The following B9D1 variants were observed in gnomAD, a reference collection of about 807,000 sequenced individuals.
The protein encoded by B9D1 is B9 domain containing 1.
Under a neutral mutation model 26.1 loss-of-function variants are expected in B9D1, and 20 were observed. That is an observed-to-expected ratio of 0.77 (90% CI 0.54 to 1.12). The LOEUF (loss-of-function observed/expected upper bound fraction) is 1.12. B9D1 is among the 50% of genes most tolerant of loss of function. B9D1 has a pLI of 0.00. For synonymous variants in B9D1, 105 were observed against 103.1 expected (o/e 1.02, Z -0.11); for missense variants, 260 against 273.7 (o/e 0.95, Z 0.35).
chr17:19,366,861 T>G (rs983209204), upstream of B9D1, among the ~76,000 whole-genome samples: 1 of 152,056 alleles, frequency 6.6e-6, no homozygotes, highest in African/African-American at 2.4e-5. Flanking sequence ...CCCTCAGGCT[T>G]GAAGTACTGT....
intron 1 of B9D1, among the ~76,000 whole-genome samples, chr17:19,375,477 G>T (rs747851895): frequency 6.6e-6 from 1 of 151,960 alleles, no homozygotes; most frequent in Non-Finnish European, 1.5e-5. Context: ...TAATAATAAG[G>T]CTGGGTACTG....
Position 19,347,899 on chromosome 17 carries a change from G to A in B9D1, c.245-19C>T. The A allele has an allele frequency of 6.2e-7, 1 of 1,609,796 alleles. No individual in the cohort carries two copies. The highest frequency in any genetic ancestry group is 8.5e-7 in the Non-Finnish European group (1 of 1,176,432). ...TGTGGCCCTTGGGAAGGACAAGGCAGGGGGTGGGCACATGAGGACACACAG... is the reference window on the plus strand; with the variant it reads ...TGTGGCCCTTGGGAAGGACAAGGCAAGGGGTGGGCACATGAGGACACACAG... On this transcript the variant is annotated intron_variant, in intron 3 of 6. Transcript: ENST00000261499. The surrounding 1 kb of genome is among the most constrained non-coding windows in gnomAD (Gnocchi z 4.3).
intron 1 of B9D1, among the ~76,000 whole-genome samples, chr17:19,369,081 G>A (rs1005189572): frequency 1.1e-4 from 16 of 152,088 alleles, no homozygotes; most frequent in Non-Finnish European, 1.5e-5. Flanking sequence ...TTTTGTTCTT[G>A]AGAACTGCTA....
chr17:19,367,036 C>T (rs1420437096), upstream of B9D1, among the ~76,000 whole-genome samples: 4 of 152,156 alleles, frequency 2.6e-5, no homozygotes, highest in East Asian at 7.7e-4. Flanking sequence ...TAGGTCTCTG[C>T]ACTGTTACCT....
chr17:19,356,322 G>C (rs997195481), intron 3 of B9D1, among the ~76,000 whole-genome samples: 11 of 152,156 alleles, frequency 7.2e-5, no homozygotes, highest in Admixed American at 2.0e-4. Context: ...AAACTCCTGA[G>C]CTCAGGCGAT....
upstream of B9D1, chr17:19,362,883 C>T (rs1218945900): frequency 1.2e-5 from 6 of 513,654 alleles, no homozygotes; most frequent in Non-Finnish European, 1.8e-5. Flanking sequence ...CTCAGTTGCA[C>T]GCGCAGGGAG....
In B9D1 at chr17:19,368,367, G is replaced by C. The variant is rs1015612686; in HGVS notation, c.-297-7979C>G. On this transcript the variant is annotated intron_variant, in intron 1 of 5. Transcript: ENST00000477478. The stretch of plus-strand genomic sequence containing the variant: ...ACCCCTGAAGCTCACGGGAGAAAGT[G>C]CTTGGAGTAGCTTCTTCTAGGAGTT... 1.4e-4 allele frequency among the ~76,000 whole-genome samples: 22 copies of C among 152,366 alleles called. No individual in the cohort carries two copies. In the East Asian group the frequency reaches 4.2e-3, roughly 29 times the overall value.
At chr17:19,349,484 G>A (rs1909305963) in intron 3 of B9D1, among the ~76,000 whole-genome samples, 1 of 151,358 alleles carries the variant, frequency 6.6e-6, no homozygotes, top group Non-Finnish European at 1.5e-5. Flanking sequence ...CTCCTGGGCT[G>A]AAGTGATCCT....
chr17:19,371,929 C>T (rs537084997), intron 1 of B9D1, among the ~76,000 whole-genome samples: 54 of 152,270 alleles, frequency 3.5e-4, no homozygotes, highest in Non-Finnish European at 6.3e-4. Context: ...GTGACTGAAC[C>T]GGATTACTTG....
downstream of B9D1, chr17:19,336,509 CCT>C (rs1284054449): frequency 6.6e-6 from 1 of 152,644 alleles, no homozygotes; most frequent in African/African-American, 2.4e-5. Flanking sequence ...AGTGCATGTC[CCT>C]GTTGCCCACT....
At chr17:19,360,963 T>G (rs1404180860) in intron 1 of B9D1, among the ~76,000 whole-genome samples, 1 of 152,182 alleles carries the variant, frequency 6.6e-6, no homozygotes, top group Non-Finnish European at 1.5e-5. Flanking sequence ...CAACTGTATT[T>G]ACAGCTGCTC....
intron 3 of B9D1, among the ~76,000 whole-genome samples, chr17:19,355,625 C>A (rs951753687): frequency 2.0e-5 from 3 of 150,860 alleles, no homozygotes. Flanking sequence ...GTCAGGAGAT[C>A]GAGACCATCC....
chr17:19,349,120 G>A (rs1909253573), intron 3 of B9D1, among the ~76,000 whole-genome samples: 2 of 152,172 alleles, frequency 1.3e-5, no homozygotes, highest in South Asian at 4.1e-4. Context: ...CACTCCCCCA[G>A]CAGTGGTATC....
chr17:19,335,350 A>C, downstream of B9D1: 1 of 1,513,882 alleles, frequency 6.6e-7, no homozygotes, highest in Middle Eastern at 1.7e-4. Context: ...AAAAAATCTA[A>C]TGTATGAATG....
chr17:19,343,210 C>T lies in B9D1; in HGVS notation c.*109G>A, dbSNP rs1297671723. 6.4e-7 allele frequency: 1 copy of T among 1,564,490 alleles called. No homozygotes were observed. The highest frequency in any genetic ancestry group is 8.6e-7 in the Non-Finnish European group (1 of 1,161,330). ...TGAGACTTTATTATACAAAACTATT[C>T]TGTGTGCCCCCAGCTCTGGCCACCA... On this transcript the variant is annotated 3_prime_UTR_variant, in exon 7 of 7. Coordinates refer to ENST00000261499, the MANE Select transcript of B9D1 (RefSeq NM_015681.6).
intron 5 of B9D1, among the ~76,000 whole-genome samples, chr17:19,344,102 G>A (rs1044984464): frequency 2.0e-5 from 3 of 152,220 alleles, no homozygotes; most frequent in Non-Finnish European, 4.4e-5. Flanking sequence ...CGCTGCCTCC[G>A]CTGGCCGGTT....
chr17:19,347,423 C>T lies in B9D1; in HGVS notation c.342-92G>A. The T allele has an allele frequency of 1.4e-6, 2 of 1,481,014 alleles. No individual in the cohort carries two copies. The highest frequency in any genetic ancestry group is 1.7e-4 in the Middle Eastern group (1 of 5,814). The allele number at this position is 1,481,014 out of a possible 1,614,324, so 91.7% of individuals were successfully genotyped here. A position where few individuals can be genotyped will look rare whatever the true frequency, so the allele number is the denominator to read the frequency against. On this transcript the variant is annotated intron_variant, in intron 4 of 6. Coordinates refer to ENST00000261499, the MANE Select transcript of B9D1 (RefSeq NM_015681.6). The surrounding 1 kb of genome is among the most constrained non-coding windows in gnomAD (Gnocchi z 4.3). Reference sequence around the variant, plus strand: ...AAACCCTCAGATCAGGCCAGTGCAGCTGCAGCGTGGGCCAAGTCAGGGCCA... The same window carrying T: ...AAACCCTCAGATCAGGCCAGTGCAGTTGCAGCGTGGGCCAAGTCAGGGCCA...
chr17:19,357,900 G>A lies in B9D1; in HGVS notation c.184C>T (p.Gln62Ter), dbSNP rs1319576405. 6.2e-7 allele frequency: 1 copy of A among 1,614,156 alleles called. No homozygotes were observed. The highest frequency in any genetic ancestry group is 8.5e-7 in the Non-Finnish European group (1 of 1,180,030). ...ATGGGGAAGTTCCACACCAGTGCTT[G>A]CCGCACATCTTGGCTCTTGGATGTG... ...QITSKSQDVR[Q>*]ALVWNFPIDV... The change falls in exon 3 of 7, where the codon CAA becomes TAA. Residue 62 changes from glutamine to a stop codon, truncating the protein, a stop_gained. Coordinates refer to ENST00000261499, the MANE Select transcript of B9D1 (RefSeq NM_015681.6). LOFTEE classifies it high-confidence loss of function.
At chr17:19,369,821 G>A (rs561817519) in intron 1 of B9D1, among the ~76,000 whole-genome samples, 1 of 152,262 alleles carries the variant, frequency 6.6e-6, no homozygotes, top group Non-Finnish European at 1.5e-5. Context: ...GGAGATTCAC[G>A]ATTGCTTCTG....
Sources: gnomAD v4.1 joint callset for allele counts (sites outside exome capture counted in the v4.1 genomes callset) on GRCh38, gnomAD v4.1.1 for gene constraint, Gnocchi (gnomAD v3.1) non-coding constraint, MANE v1.5 for transcripts, NCBI Gene and HGNC (gene_info 2026-07-23, HGNC 2026-07-21) for gene names.